The following EYS variants were observed in gnomAD, a reference collection of about 807,000 sequenced individuals.
The protein encoded by EYS is EGF-like photoreceptor maintenance factor.
In EYS, 250 loss-of-function variants were observed where a neutral mutation model predicts 282.1. The observed-to-expected ratio is 0.89, with a 90% CI of 0.80 to 0.98. EYS has a LOEUF of 0.98. EYS is among the 50% of genes least tolerant of loss of function. The pLI is 0.00. For synonymous variants in EYS, 1,355 were observed against 1,282.9 expected (o/e 1.06, Z -1.20); for missense variants, 4,016 against 3,709.0 (o/e 1.08, Z -2.15).
chr6:65,586,917 T>A (rs1050400180), intron 2 of EYS, among the ~76,000 whole-genome samples: 1 of 152,098 alleles, frequency 6.6e-6, no homozygotes, highest in African/African-American at 2.4e-5. Context: ...TTTTTTTTCT[T>A]AGATGTCAAA....
At chr6:64,571,567 T>C (rs1283393039) in intron 26 of EYS, among the ~76,000 whole-genome samples, 1 of 151,802 alleles carries the variant, frequency 6.6e-6, no homozygotes, top group Non-Finnish European at 1.5e-5. Flanking sequence ...AAGAATCAAA[T>C]AGACACAATA....
At chr6:64,498,269 G>A (rs1477451818) in intron 26 of EYS, among the ~76,000 whole-genome samples, 6 of 152,022 alleles carry the variant, frequency 3.9e-5, no homozygotes, top group Admixed American at 2.0e-4. Flanking sequence ...TTTTATAGAT[G>A]AGAACAGGGA....
At chr6:63,955,728 A>C (rs931678923) in intron 35 of EYS, among the ~76,000 whole-genome samples, 19 of 152,142 alleles carry the variant, frequency 1.2e-4, no homozygotes, top group African/African-American at 3.4e-4. Context: ...ATAAAAAAAA[A>C]CTCAAGGATA....
chr6:64,544,920 C>T (rs939188994), intron 26 of EYS, among the ~76,000 whole-genome samples: 2 of 152,156 alleles, frequency 1.3e-5, no homozygotes, highest in Non-Finnish European at 2.9e-5. Context: ...GATGGATTCA[C>T]AGCCAAATTC....
chr6:64,081,603 G>A (rs1771970424), intron 32 of EYS, among the ~76,000 whole-genome samples: 1 of 152,148 alleles, frequency 6.6e-6, no homozygotes, highest in African/African-American at 2.4e-5. Context: ...ATAGCCATAT[G>A]CTGTCAAATT....
chr6:64,000,441 C>A (rs1233776884), intron 33 of EYS, among the ~76,000 whole-genome samples: 1 of 151,380 alleles, frequency 6.6e-6, no homozygotes, highest in African/African-American at 2.4e-5. Context: ...TCCATCCCCC[C>A]TCCCAACCTC....
intron 12 of EYS, among the ~76,000 whole-genome samples, chr6:65,219,710 G>A (rs1326793977): frequency 6.6e-6 from 1 of 152,070 alleles, no homozygotes; most frequent in African/African-American, 2.4e-5. Context: ...GCAAGACTGG[G>A]TAATTTATAA....
chr6:65,321,910 G>A (rs1197374136), intron 11 of EYS, among the ~76,000 whole-genome samples: 4 of 152,192 alleles, frequency 2.6e-5, no homozygotes, highest in Admixed American at 1.3e-4. Context: ...GATTTCTTTA[G>A]GGTGGGAGAA....
chr6:64,750,908 C>A (rs1772724778), intron 22 of EYS, among the ~76,000 whole-genome samples: 1 of 152,272 alleles, frequency 6.6e-6, no homozygotes, highest in African/African-American at 2.4e-5. Context: ...CCCTGAGCTG[C>A]CCCTCCCTTC....
intron 18 of EYS, among the ~76,000 whole-genome samples, chr6:64,888,791 AT>A (rs1767179497): frequency 6.6e-6 from 1 of 152,060 alleles, no homozygotes; most frequent in East Asian, 1.9e-4. Context: ...TTTGTTAATA[AT>A]ACTGTCTTTG....
chr6:63,836,646 T>C (rs1771814846), intron 36 of EYS, among the ~76,000 whole-genome samples: 1 of 151,986 alleles, frequency 6.6e-6, no homozygotes, highest in Admixed American at 6.6e-5. Flanking sequence ...CTAAGGAACA[T>C]TTATAAAAGA....
At chr6:65,177,835 T>C (rs1175632068) in intron 12 of EYS, among the ~76,000 whole-genome samples, 1 of 151,916 alleles carries the variant, frequency 6.6e-6, no homozygotes, top group Non-Finnish European at 1.5e-5. Flanking sequence ...CTATGTTACT[T>C]GATGTTACTC....
At chr6:64,331,337 AT>A (rs1770638354) in intron 29 of EYS, among the ~76,000 whole-genome samples, 1 of 152,220 alleles carries the variant, frequency 6.6e-6, no homozygotes, top group Non-Finnish European at 1.5e-5. Context: ...AGTAGCAGTC[AT>A]CTATTGCAAA....
chr6:63,761,926 C>A (rs1769653064), intron 41 of EYS, among the ~76,000 whole-genome samples: 1 of 152,064 alleles, frequency 6.6e-6, no homozygotes, highest in Admixed American at 6.6e-5. Flanking sequence ...TTAGCCACAG[C>A]CCAGCTTGGG....
At chr6:64,812,110 T>C (rs1764614429) in intron 22 of EYS, among the ~76,000 whole-genome samples, 1 of 152,086 alleles carries the variant, frequency 6.6e-6, no homozygotes, top group Non-Finnish European at 1.5e-5. Flanking sequence ...TAGCAGTCAT[T>C]TTAATAATTT....
chr6:64,798,567 C>G (rs1477149968), intron 22 of EYS, among the ~76,000 whole-genome samples: 1 of 149,138 alleles, frequency 6.7e-6, no homozygotes, highest in Non-Finnish European at 1.5e-5. Context: ...GGCCTACAGA[C>G]CTGGTTTGAA....
chr6:64,640,270 G>A (rs1393981391), intron 22 of EYS, among the ~76,000 whole-genome samples: 2 of 146,726 alleles, frequency 1.4e-5, no homozygotes, highest in Non-Finnish European at 3.0e-5. Context: ...ACATGCACAT[G>A]TATGTTTATT....
chr6:64,306,070 A>T (rs1769433584), intron 30 of EYS, among the ~76,000 whole-genome samples: 1 of 152,176 alleles, frequency 6.6e-6, no homozygotes, highest in African/African-American at 2.4e-5. Flanking sequence ...AAAAAATCAA[A>T]TAGAAATGTC....
intron 35 of EYS, among the ~76,000 whole-genome samples, chr6:63,924,382 G>A (rs1764657126): frequency 6.6e-6 from 1 of 152,186 alleles, no homozygotes; most frequent in South Asian, 2.1e-4. Context: ...CTGGAGAAAA[G>A]CATTCTGAAG....
Sources: allele counts gnomAD v4.1 joint callset (sites outside exome capture counted in the v4.1 genomes callset), GRCh38; gene constraint gnomAD v4.1.1; transcripts MANE v1.5; gene names NCBI Gene and HGNC (gene_info 2026-07-23, HGNC 2026-07-21).